The following PRKN variants were observed in gnomAD, a reference collection of about 807,000 sequenced individuals.
The protein encoded by PRKN is parkin RBR E3 ubiquitin protein ligase.
PRKN carries 56 observed loss-of-function variants against 59.5 expected under a neutral mutation model. The observed-to-expected ratio is 0.94, with a 90% CI of 0.76 to 1.18. The LOEUF is 1.18. Ranked by LOEUF, PRKN falls within the 50% of genes most tolerant of loss-of-function variation. The pLI is 0.00. For missense variants in PRKN, 657 were observed against 596.4 expected, an observed-to-expected ratio of 1.10 and a Z score of -1.06; for synonymous variants, 250 against 222.1, an observed-to-expected ratio of 1.13 and a Z score of -1.12.
Position 161,480,210 on chromosome 6 carries a change from C to T in PRKN, c.1083+68644G>A, listed in dbSNP as rs1332534003. ...ATCATGACTATATAATTTGTGAAGC[C>T]CAGTGCAAAACAAAGACACAGAGCC... On this transcript the variant is annotated intron_variant, in intron 9 of 11. Coordinates refer to ENST00000366898, the MANE Select transcript of PRKN (RefSeq NM_004562.3). The surrounding 1 kb of genome is among the most constrained non-coding windows in gnomAD (Gnocchi z 4.1). Among the ~76,000 whole-genome samples, 1 of 152,088 alleles carries T rather than the reference C, an allele frequency of 6.6e-6. No homozygotes were observed. The highest frequency in any genetic ancestry group is 1.5e-5 in the Non-Finnish European group (1 of 68,020).
intron 6 of PRKN, among the ~76,000 whole-genome samples, chr6:161,887,693 T>C (rs1795204859): frequency 6.6e-6 from 1 of 152,214 alleles, no homozygotes; most frequent in South Asian, 2.1e-4. Flanking sequence ...AAAGAAGTTT[T>C]TAAAAATTTG....
intron 4 of PRKN, among the ~76,000 whole-genome samples, chr6:162,088,853 G>A (rs1583015127): frequency 6.6e-6 from 1 of 152,018 alleles, no homozygotes; most frequent in African/African-American, 2.4e-5. Flanking sequence ...CTCAATAAAC[G>A]GCATATGCAA....
intron 5 of PRKN, among the ~76,000 whole-genome samples, chr6:162,022,310 G>A (rs6918462): frequency 0.079 from 12,055 of 152,174 alleles, 556 homozygotes; most frequent in Middle Eastern, 0.11. Flanking sequence ...CACCAACAGT[G>A]TATAAGCACT....
chr6:161,786,805 C>A (rs1790438403), intron 6 of PRKN, among the ~76,000 whole-genome samples: 1 of 152,068 alleles, frequency 6.6e-6, no homozygotes, highest in African/African-American at 2.4e-5. Flanking sequence ...ATTGTGCCAT[C>A]TCGAAACCAT....
intron 2 of PRKN, among the ~76,000 whole-genome samples, chr6:162,353,972 T>C (rs1028409345): frequency 1.7e-4 from 26 of 152,290 alleles, no homozygotes; most frequent in African/African-American, 5.8e-4. Flanking sequence ...TTTATGATGA[T>C]TGCAGTTATA....
intron 6 of PRKN, among the ~76,000 whole-genome samples, chr6:161,842,755 G>A (rs1470271354): frequency 6.6e-6 from 1 of 151,994 alleles, no homozygotes; most frequent in Non-Finnish European, 1.5e-5. Context: ...TCACTATGTT[G>A]GCCAGACTGG....
At chr6:161,669,178 C>G (rs1466597501) in intron 7 of PRKN, among the ~76,000 whole-genome samples, 1 of 152,192 alleles carries the variant, frequency 6.6e-6, no homozygotes, top group Non-Finnish European at 1.5e-5. Flanking sequence ...CCTCATCCTA[C>G]ACCAAATCTG....
chr6:162,398,003 C>T (rs1583500966), intron 2 of PRKN, among the ~76,000 whole-genome samples: 1 of 147,056 alleles, frequency 6.8e-6, no homozygotes, highest in Non-Finnish European at 1.5e-5. Context: ...CACCACTGCA[C>T]TCCACCCTGG....
At chr6:162,525,127 C>G (rs989096528) in intron 1 of PRKN, among the ~76,000 whole-genome samples, 5 of 152,160 alleles carry the variant, frequency 3.3e-5, no homozygotes, top group African/African-American at 1.2e-4. Flanking sequence ...CACACCTGGG[C>G]TCCAAGCGCC....
At chr6:161,648,488 T>C (rs1328720701) in intron 7 of PRKN, among the ~76,000 whole-genome samples, 3 of 152,194 alleles carry the variant, frequency 2.0e-5, no homozygotes, top group African/African-American at 7.2e-5. Context: ...TGGACTTTCC[T>C]GCAACTGTCC....
intron 7 of PRKN, among the ~76,000 whole-genome samples, chr6:161,608,167 A>T (rs1363197448): frequency 6.6e-6 from 1 of 152,114 alleles, no homozygotes. Flanking sequence ...CATGTCTCCA[A>T]TTGGAAAAAT....
intron 5 of PRKN, among the ~76,000 whole-genome samples, chr6:162,019,705 A>G (rs1360480421): frequency 6.6e-6 from 1 of 152,120 alleles, no homozygotes; most frequent in Admixed American, 6.5e-5. Context: ...GTGATTGCAC[A>G]TATGCTAGAT....
intron 1 of PRKN, among the ~76,000 whole-genome samples, chr6:162,452,008 C>A (rs1448896131): frequency 6.6e-6 from 1 of 151,168 alleles, no homozygotes; most frequent in Middle Eastern, 3.4e-3. Context: ...GTTTGTCTGT[C>A]ACATACAGGG....
chr6:162,652,388 T>C (rs1778477943), intron 1 of PRKN, among the ~76,000 whole-genome samples: 1 of 152,186 alleles, frequency 6.6e-6, no homozygotes, highest in Non-Finnish European at 1.5e-5. Flanking sequence ...GTGTCACAAG[T>C]GTTGTATCAG....
chr6:161,982,564 T>C (rs372539563), intron 5 of PRKN, among the ~76,000 whole-genome samples: 1 of 21,506 alleles, frequency 4.6e-5, no homozygotes, highest in Non-Finnish European at 9.4e-5. Flanking sequence ...GAGATATAGA[T>C]CAATGGAACA....
chr6:161,879,341 CTTT>C (rs72163881), intron 6 of PRKN, among the ~76,000 whole-genome samples: 2 of 112,222 alleles, frequency 1.8e-5, no homozygotes, highest in Admixed American at 1.0e-4. Context: ...ACATTTCTGC[CTTT>C]TTTTTTTTTT....
intron 6 of PRKN, among the ~76,000 whole-genome samples, chr6:161,822,669 C>T (rs983046325): frequency 2.0e-5 from 3 of 151,456 alleles, no homozygotes; most frequent in Non-Finnish European, 4.4e-5. Flanking sequence ...GAGTGAAACG[C>T]TGTCAAAAAA....
chr6:162,244,903 C>T (rs956479786), intron 3 of PRKN, among the ~76,000 whole-genome samples: 1 of 151,926 alleles, frequency 6.6e-6, no homozygotes, highest in African/African-American at 2.4e-5. Flanking sequence ...CTCAGTTCTC[C>T]ATAAAAGAAG....
At position 161,378,413 on chromosome 6, in the gene PRKN, G is replaced by A. The variant is rs534207215; in HGVS notation, c.1167+8381C>T. 2.0e-5 allele frequency among the ~76,000 whole-genome samples: 3 copies of A among 152,290 alleles called. No individual in the cohort carries two copies. Among genetic ancestry groups the A allele is most frequent in the South Asian group, 4.1e-4 (2 of 4,832 alleles). On this transcript the variant is annotated intron_variant, in intron 10 of 11. Transcript: ENST00000366898. This position sits in a 1 kb window ranked among gnomAD's most constrained non-coding sequence, Gnocchi z 7.3. ...ATTCAACCTGCCGGCAACAAAGAGC[G>A]GCACGGAGTCCTGTGTGTCCTCCAC...
Sources: allele counts gnomAD v4.1 joint callset (sites outside exome capture counted in the v4.1 genomes callset), GRCh38; gene constraint gnomAD v4.1.1; non-coding constraint Gnocchi (gnomAD v3.1); transcripts MANE v1.5; gene names NCBI Gene and HGNC (gene_info 2026-07-23, HGNC 2026-07-21).